SPAG16: variants seen among roughly 807,000 people sequenced by gnomAD.
SPAG16 encodes sperm associated antigen 16.
A neutral mutation model predicts 80.4 loss-of-function variants in SPAG16; 86 were observed. That is an observed-to-expected ratio of 1.07 (90% CI 0.90 to 1.28). The LOEUF is 1.28. Among genes scored for constraint, SPAG16 ranks in the 50% most tolerant of loss-of-function variants. The pLI, the probability that SPAG16 is intolerant of heterozygous loss-of-function variation, is 0.00. For missense variants in SPAG16, 870 were observed against 765.3 expected, an observed-to-expected ratio of 1.14 and a Z score of -1.61; for synonymous variants, 294 against 265.9, an observed-to-expected ratio of 1.11 and a Z score of -1.03.
intron 13 of SPAG16, among the ~76,000 whole-genome samples, chr2:214,080,547 G>T (rs1049434830): frequency 1.3e-5 from 2 of 149,916 alleles, no homozygotes; most frequent in African/African-American, 4.9e-5. Context: ...GGCAGAGCTT[G>T]CAGTGAGCTG....
intron 10 of SPAG16, among the ~76,000 whole-genome samples, chr2:213,751,316 A>T (rs537810273): frequency 1.3e-5 from 2 of 152,234 alleles, no homozygotes; most frequent in Admixed American, 6.5e-5. Flanking sequence ...CTTGTTCCTC[A>T]TCCCACTGAC....
chr2:213,395,036 T>C (rs888508849), intron 9 of SPAG16, among the ~76,000 whole-genome samples: 1 of 152,216 alleles, frequency 6.6e-6, no homozygotes, highest in Non-Finnish European at 1.5e-5. Flanking sequence ...TGTTCTCTTA[T>C]TATTCTTTTA....
intron 15 of SPAG16, among the ~76,000 whole-genome samples, chr2:214,278,923 G>A (rs1272263119): frequency 6.6e-6 from 1 of 152,154 alleles, no homozygotes; most frequent in Non-Finnish European, 1.5e-5. Context: ...ATTACCGCAA[G>A]CAAGTGATTC....
chr2:213,753,790 G>A (rs959064841), intron 10 of SPAG16, among the ~76,000 whole-genome samples: 1 of 152,188 alleles, frequency 6.6e-6, no homozygotes, highest in South Asian at 2.1e-4. Context: ...AATTGTAGAT[G>A]GCATGAATGA....
chr2:214,377,475 A>G (rs556110053), intron 15 of SPAG16, among the ~76,000 whole-genome samples: 1 of 152,342 alleles, frequency 6.6e-6, no homozygotes, highest in South Asian at 2.1e-4. Flanking sequence ...ATTGATAAAT[A>G]CAGTACAGTA....
chr2:214,128,670 C>A (rs2054610918), intron 14 of SPAG16, among the ~76,000 whole-genome samples: 1 of 151,870 alleles, frequency 6.6e-6, no homozygotes, highest in Non-Finnish European at 1.5e-5. Flanking sequence ...CCAACTATCA[C>A]TTACCAGTTG....
chr2:213,536,563 AT>A (rs2076255399), intron 10 of SPAG16, among the ~76,000 whole-genome samples: 1 of 152,068 alleles, frequency 6.6e-6, no homozygotes, highest in Admixed American at 6.6e-5. Context: ...TTTGATTTGC[AT>A]TTCTCTGATG....
intron 12 of SPAG16, among the ~76,000 whole-genome samples, chr2:213,939,003 G>T (rs1039475106): frequency 6.6e-6 from 1 of 151,772 alleles, no homozygotes; most frequent in Non-Finnish European, 1.5e-5. Context: ...TTGTGTTCTG[G>T]GTAAAAAGAC....
intron 15 of SPAG16, among the ~76,000 whole-genome samples, chr2:214,343,658 A>G (rs760240506): frequency 1.6e-4 from 24 of 152,182 alleles, no homozygotes; most frequent in Non-Finnish European, 3.2e-4. Context: ...AAACTTAGAC[A>G]CAATGGGGAA....
At chr2:213,703,991 A>G (rs950836042) in intron 10 of SPAG16, among the ~76,000 whole-genome samples, 1 of 152,162 alleles carries the variant, frequency 6.6e-6, no homozygotes. Context: ...CATAAGATCT[A>G]CCTACTTATT....
At chr2:213,692,573 G>A (rs1336060189) in intron 10 of SPAG16, among the ~76,000 whole-genome samples, 1 of 152,092 alleles carries the variant, frequency 6.6e-6, no homozygotes, top group African/African-American at 2.4e-5. Flanking sequence ...CACTTTGGGA[G>A]GCTGAGGTGG....
At position 214,389,627 on chromosome 2, in the gene SPAG16, T is replaced by A. The variant is rs1412717037; in HGVS notation, c.1721-20513T>A. Among the ~76,000 whole-genome samples the A allele has an allele frequency of 3.3e-5, 5 of 152,124 alleles. No homozygotes were observed. The East Asian group carries it at 9.7e-4, about 29-fold the overall frequency. The stretch of plus-strand genomic sequence containing the variant: ...ATTTGAGAGATGACAGTAATAGGAG[T>A]GTTTAAGTAAGAGAACAAGCTTAAT... On this transcript the variant is annotated intron_variant, in intron 15 of 15. Coordinates refer to ENST00000331683, the MANE Select transcript of SPAG16 (RefSeq NM_024532.5).
intron 12 of SPAG16, 118 bp from the exon 13 acceptor site, chr2:214,013,833 T>C: frequency 1.0e-6 from 1 of 997,568 alleles, no homozygotes; most frequent in Non-Finnish European, 1.4e-6. Context: ...GTTGTTATTG[T>C]AAAATTTTTG....
chr2:213,599,449 G>A (rs192284186), intron 10 of SPAG16, among the ~76,000 whole-genome samples: 195 of 152,078 alleles, frequency 1.3e-3, no homozygotes, highest in African/African-American at 2.5e-3. Context: ...CCTCTTCCTC[G>A]GCCTACTCAA....
intron 10 of SPAG16, among the ~76,000 whole-genome samples, chr2:213,798,143 G>T (rs528071195): frequency 3.9e-5 from 6 of 152,228 alleles, no homozygotes; most frequent in South Asian, 2.1e-4. Context: ...ACCATTTGTT[G>T]AATTATTTAC....
At chr2:214,170,216 G>T (rs2056820937) in intron 15 of SPAG16, among the ~76,000 whole-genome samples, 1 of 83,312 alleles carries the variant, frequency 1.2e-5, no homozygotes, top group Non-Finnish European at 3.7e-5. Flanking sequence ...ACACACTTAG[G>T]TGTGTATACG....
intron 12 of SPAG16, among the ~76,000 whole-genome samples, chr2:214,002,446 T>A (rs79141677): frequency 0.025 from 3,765 of 152,220 alleles, 149 homozygotes; most frequent in African/African-American, 0.086. Context: ...TAAAAATTAG[T>A]GTAATTATAA....
At chr2:213,646,799 C>T (rs531464449) in intron 10 of SPAG16, among the ~76,000 whole-genome samples, 3 of 152,294 alleles carry the variant, frequency 2.0e-5, no homozygotes, top group Non-Finnish European at 2.9e-5. Flanking sequence ...CTGGAAACAG[C>T]AGGTTCACAG....
chr2:213,989,106 T>G (rs2046159641), intron 12 of SPAG16, among the ~76,000 whole-genome samples: 1 of 152,130 alleles, frequency 6.6e-6, no homozygotes, highest in African/African-American at 2.4e-5. Context: ...TGCAATAGAT[T>G]TAATATCAAC....
Sources: allele counts gnomAD v4.1 joint callset (sites outside exome capture counted in the v4.1 genomes callset), GRCh38; gene constraint gnomAD v4.1.1; transcripts MANE v1.5; gene names NCBI Gene and HGNC (gene_info 2026-07-23, HGNC 2026-07-21).